TEAD1: variants seen among roughly 807,000 people sequenced by gnomAD.
TEAD1 encodes TEA domain transcription factor 1.
TEAD1 carries 9 observed loss-of-function variants against 54.9 expected under a neutral mutation model. That is an observed-to-expected ratio of 0.16 (90% CI 0.10 to 0.29). TEAD1 has a LOEUF of 0.29. Ranked by LOEUF, TEAD1 falls within the 10% of genes least tolerant of loss-of-function variation. The pLI is 1.00. For synonymous variants in TEAD1, 200 were observed against 187.8 expected, an observed-to-expected ratio of 1.07 and a Z score of -0.53; for missense variants, 387 against 535.9, an observed-to-expected ratio of 0.72 and a Z score of 2.74.
At chr11:12,857,578 C>CTGTG (rs10694132) in intron 3 of TEAD1, among the ~76,000 whole-genome samples, 33,158 of 145,672 alleles carry the variant, frequency 0.23, 4,206 homozygotes, top group East Asian at 0.37. Flanking sequence ...CTCTCTGTCT[C>CTGTG]TGTGTGTGTG....
At chr11:12,803,984 A>G (rs1001660910) in intron 3 of TEAD1, among the ~76,000 whole-genome samples, 1 of 152,192 alleles carries the variant, frequency 6.6e-6, no homozygotes, top group African/African-American at 2.4e-5. Flanking sequence ...TAAGGAGGTT[A>G]GTTAGAATTT....
intron 3 of TEAD1, among the ~76,000 whole-genome samples, chr11:12,769,853 T>C (rs760646502): frequency 2.0e-5 from 3 of 152,140 alleles, no homozygotes; most frequent in African/African-American, 4.8e-5. Flanking sequence ...GCCTGGAATA[T>C]AGAAGGTGTC....
chr11:12,757,750 C>G (rs1281410318), intron 2 of TEAD1, among the ~76,000 whole-genome samples: 1 of 152,112 alleles, frequency 6.6e-6, no homozygotes, highest in African/African-American at 2.4e-5. Flanking sequence ...TTTGTGTTTT[C>G]TGGTTGTTGG....
rs1200374096 is a variant in TEAD1 at position 12,758,405 on chromosome 11, G to GTTT, written c.-54-5753_-54-5751dup. Among the ~76,000 whole-genome samples, 170 of 85,706 alleles carry GTTT rather than the reference G, an allele frequency of 2.0e-3. 1 individual carries two copies. Among genetic ancestry groups the GTTT allele is most frequent in the African/African-American group, 2.8e-3 (55 of 19,430 alleles). The allele number at this position is 85,706 out of a possible 152,430, so 56.2% of individuals were successfully genotyped here. On this transcript the variant is annotated intron_variant, in intron 2 of 12. Transcript: ENST00000527636. ...AGGCACCTGTCATCACGCCCAGCTA[G>GTTT]TTTTTTTTTTTTTTTTTTTTTTTGA...
At chr11:12,799,794 G>C (rs899677317) in intron 3 of TEAD1, among the ~76,000 whole-genome samples, 1 of 152,138 alleles carries the variant, frequency 6.6e-6, no homozygotes, top group East Asian at 1.9e-4. Flanking sequence ...TGTTTTTCTT[G>C]AAGTTCTTTG....
chr11:12,857,730 A>G (rs1947419712), intron 3 of TEAD1, among the ~76,000 whole-genome samples: 1 of 152,068 alleles, frequency 6.6e-6, no homozygotes, highest in Non-Finnish European at 1.5e-5. Context: ...TCTTAGTAAC[A>G]TGATCAAAAT....
chr11:12,820,619 A>C (rs1051432736), intron 3 of TEAD1, among the ~76,000 whole-genome samples: 4 of 152,146 alleles, frequency 2.6e-5, no homozygotes, highest in African/African-American at 9.7e-5. Flanking sequence ...TTGAGAGAGG[A>C]AATGCGATTA....
At chr11:12,860,260 T>G (rs1178291624) in intron 3 of TEAD1, among the ~76,000 whole-genome samples, 1 of 152,220 alleles carries the variant, frequency 6.6e-6, no homozygotes. Flanking sequence ...AAGGAGGGTC[T>G]TCTTATTCTT....
At chr11:12,771,772 A>C (rs1025645713) in intron 3 of TEAD1, among the ~76,000 whole-genome samples, 1 of 152,190 alleles carries the variant, frequency 6.6e-6, no homozygotes, top group African/African-American at 2.4e-5. Context: ...TGTGATGCCC[A>C]GGCTCACAAT....
chr11:12,912,977 T>C (rs139743438), intron 10 of TEAD1, among the ~76,000 whole-genome samples: 1 of 152,284 alleles, frequency 6.6e-6, no homozygotes, highest in East Asian at 1.9e-4. Flanking sequence ...ACTGAGATGC[T>C]AAGCCACGAT....
chr11:12,889,094 G>A (rs998880400), intron 9 of TEAD1, among the ~76,000 whole-genome samples: 1 of 152,208 alleles, frequency 6.6e-6, no homozygotes, highest in Non-Finnish European at 1.5e-5. Flanking sequence ...AGAGGGTGAA[G>A]AAAGGAAGGA....
intron 2 of TEAD1, among the ~76,000 whole-genome samples, chr11:12,738,415 T>G (rs1427186217): frequency 6.6e-6 from 1 of 152,184 alleles, no homozygotes; most frequent in East Asian, 1.9e-4. Flanking sequence ...AAATTGCAAT[T>G]TAAACTTCTG....
At position 12,881,880 on chromosome 11, in the gene TEAD1, A is replaced by G. The variant is rs1947978479; in HGVS notation, c.513-16A>G. On this transcript the variant is annotated splice_polypyrimidine_tract_variant and intron_variant, in intron 7 of 12. Transcript: ENST00000527636. ...ATGCGATCTCTTAACTCTGTCTGCCATCTCTCTGTTCCCAGCGTCAAGCCT... is the reference window on the plus strand; with the variant it reads ...ATGCGATCTCTTAACTCTGTCTGCCGTCTCTCTGTTCCCAGCGTCAAGCCT... The G allele has an allele frequency of 1.2e-6, 2 of 1,613,902 alleles. No individual in the cohort carries two copies. The highest frequency in any genetic ancestry group is 8.5e-7 in the Non-Finnish European group (1 of 1,179,896).
chr11:12,711,810 A>G (rs1040112037), intron 2 of TEAD1, among the ~76,000 whole-genome samples: 9 of 152,228 alleles, frequency 5.9e-5, no homozygotes, highest in African/African-American at 2.2e-4. Context: ...AGCTGTAGCA[A>G]TGAAGCAAGT....
intron 3 of TEAD1, among the ~76,000 whole-genome samples, chr11:12,854,959 C>G (rs377213999): frequency 9.1e-4 from 138 of 152,280 alleles, no homozygotes; most frequent in African/African-American, 3.2e-3. Flanking sequence ...CACACACAGT[C>G]CATGTGTGAC....
intron 3 of TEAD1, among the ~76,000 whole-genome samples, chr11:12,838,557 T>G (rs2134029354): frequency 6.6e-6 from 1 of 152,356 alleles, no homozygotes; most frequent in Non-Finnish European, 1.5e-5. Flanking sequence ...AAGATAAATT[T>G]TAACATTTTA....
rs566413508 is a variant in TEAD1, at chr11:12,691,511, G to A, written c.-55+15950G>A. Reference sequence around the variant, plus strand: ...CCTGCCTGCCATGTCAACTCTAATCGTGGTAAAAGCTTTCCTTGCACACTT... The same window carrying A: ...CCTGCCTGCCATGTCAACTCTAATCATGGTAAAAGCTTTCCTTGCACACTT... On this transcript the variant is annotated intron_variant, in intron 2 of 12. Coordinates refer to ENST00000527636, the MANE Select transcript of TEAD1 (RefSeq NM_021961.6). Among the ~76,000 whole-genome samples the A allele has an allele frequency of 1.3e-4, 20 of 152,222 alleles. No homozygotes were observed. The South Asian group carries it at 4.1e-3, about 32-fold the overall frequency.
intron 2 of TEAD1, among the ~76,000 whole-genome samples, chr11:12,734,730 A>G (rs376568457): frequency 9.8e-5 from 15 of 152,338 alleles, no homozygotes; most frequent in African/African-American, 3.4e-4. Context: ...TGTATTCTAG[A>G]AACAATAGGC....
intron 11 of TEAD1, among the ~76,000 whole-genome samples, chr11:12,927,196 T>C (rs1948918085): frequency 6.6e-6 from 1 of 152,184 alleles, no homozygotes; most frequent in Admixed American, 6.5e-5. Context: ...GGTGGGGTTT[T>C]ACCTTTAAGC....
Sources: gnomAD v4.1 joint callset for allele counts (sites outside exome capture counted in the v4.1 genomes callset) on GRCh38, gnomAD v4.1.1 for gene constraint, MANE v1.5 for transcripts, NCBI Gene and HGNC (gene_info 2026-07-23, HGNC 2026-07-21) for gene names.